Variants in CFAP44 observed in about 807,000 individuals in gnomAD.
CFAP44 encodes the protein cilia- and flagella-associated protein 44.
CFAP44 carries 134 observed loss-of-function variants against 216.2 expected under a neutral mutation model. That is an observed-to-expected ratio of 0.62 (90% confidence interval 0.54 to 0.72). CFAP44 has a LOEUF of 0.72. Among genes scored for constraint, CFAP44 ranks in the 30% least tolerant of loss-of-function variants. The pLI is 0.00. For missense variants in CFAP44, 2,035 were observed against 2,182.1 expected, an observed-to-expected ratio of 0.93 and a Z score of 1.34; for synonymous variants, 700 against 727.6, an observed-to-expected ratio of 0.96 and a Z score of 0.61.
rs1477348915 is a variant in CFAP44 at position 113,327,678 on chromosome 3, T to G, written c.4258A>C (p.Lys1420Gln). 1.3e-6 allele frequency: 2 copies of G among 1,536,944 alleles called. No individual in the cohort carries two copies. The highest frequency in any genetic ancestry group is 1.7e-6 in the Non-Finnish European group (2 of 1,146,750). Residue 1420 changes from lysine (K) to glutamine (Q), a missense_variant, in exon 27 of 35, where the codon AAA (lysine) becomes CAA (glutamine). By Grantham distance (53) the Lys-to-Gln change is moderately conservative. Coordinates refer to ENST00000393845, the MANE Select transcript of CFAP44 (RefSeq NM_001164496.2). ...CGTTCTTGAAGTATGTTCTCCTGTT[T>G]TTCAAAATTCTTCAGGAGAAGTATT... Reference protein sequence around the residue: ...QEILLLKNFEKQENILQERVN... With the variant: ...QEILLLKNFEQQENILQERVN...
Position 113,288,721 on chromosome 3 carries a change from C to T in CFAP44, c.*2836G>A, listed in dbSNP as rs187764646. 2 of 152,348 alleles carry T rather than the reference C, an allele frequency of 1.3e-5. No individual in the cohort carries two copies. The highest frequency in any genetic ancestry group is 3.9e-4 in the East Asian group (2 of 5,180). 9.4% of individuals were successfully genotyped at this position (152,348 alleles called of 1,614,324 possible). On this transcript the variant is annotated 3_prime_UTR_variant, in exon 35 of 35. Transcript: ENST00000393845. The stretch of plus-strand genomic sequence containing the variant: ...TTTCTGCACAGCACTGGAATCATAG[C>T]ACTCAATGGATTTAGCTCTAAAGAG...
At chr3:113,333,339 T>A (rs1950256026) in intron 25 of CFAP44, 67 bp downstream of exon 25, 1 of 1,393,922 alleles carries the variant, frequency 7.2e-7, no homozygotes, top group Non-Finnish European at 9.7e-7. Flanking sequence ...AAATGAGTGG[T>A]TTTAGCAGAA....
rs1349511378 is a variant in CFAP44 at position 113,366,112 on chromosome 3, T to C, written c.2642A>G (p.Asn881Ser). Residue 881 changes from asparagine to serine, a missense_variant, in exon 19 of 35, where the codon AAT becomes AGT. Transcript: ENST00000393845. Reference protein sequence around the residue: ...RFLVTAGADGNIFVFNIFSEF... With the variant: ...RFLVTAGADGSIFVFNIFSEF... ...AGAAAAAATGTTGAAAACAAAGATA[T>C]TGCCATCTGCTCCAGCAGTCACCAA... 6.2e-7 allele frequency: 1 copy of C among 1,614,006 alleles called. No individual in the cohort carries two copies. The highest frequency in any genetic ancestry group is 1.7e-4 in the Middle Eastern group (1 of 6,054).
chr3:113,373,883 T>G (rs553791720), intron 17 of CFAP44, among the ~76,000 whole-genome samples: 1 of 152,150 alleles, frequency 6.6e-6, no homozygotes, highest in Non-Finnish European at 1.5e-5. Flanking sequence ...CAGGAACAAA[T>G]ATTAGGGTTT....
At chr3:113,435,735 T>A (rs201418383) in intron 1 of CFAP44, among the ~76,000 whole-genome samples, 84 of 141,134 alleles carry the variant, frequency 6.0e-4, no homozygotes, top group African/African-American at 1.4e-3. Flanking sequence ...CTTCTAAAAT[T>A]AAAAAAAAAA....
intron 28 of CFAP44, among the ~76,000 whole-genome samples, chr3:113,311,547 G>A (rs1319046872): frequency 1.3e-5 from 2 of 152,172 alleles, no homozygotes; most frequent in Admixed American, 6.5e-5. Flanking sequence ...ATGTGGAAGT[G>A]TAAGTCCAAT....
chr3:113,432,830 C>T (rs972309529), intron 2 of CFAP44, among the ~76,000 whole-genome samples: 3 of 152,130 alleles, frequency 2.0e-5, no homozygotes, highest in Non-Finnish European at 4.4e-5. Flanking sequence ...CTGGAATCTC[C>T]TGATAAATAT....
At chr3:113,328,452 G>T (rs543010292) in intron 26 of CFAP44, among the ~76,000 whole-genome samples, 1 of 151,002 alleles carries the variant, frequency 6.6e-6, no homozygotes, top group South Asian at 2.1e-4. Context: ...CTTTCCCCCA[G>T]CTTTCCCCCC....
At chr3:113,320,423 ATGATATATAT>A (rs1950132409) in intron 28 of CFAP44, among the ~76,000 whole-genome samples, 3 of 137,800 alleles carry the variant, frequency 2.2e-5, no homozygotes, top group South Asian at 2.3e-4. Flanking sequence ...TGATATATAT[ATGATATATAT>A]TGATATATAT....
chr3:113,363,240 G>A lies in CFAP44; in HGVS notation c.2839C>T (p.Arg947Trp), dbSNP rs141547615. 7.0e-5 allele frequency: 113 copies of A among 1,612,436 alleles called. No homozygotes were observed. Among genetic ancestry groups the A allele is most frequent in the Middle Eastern group, 1.6e-4 (1 of 6,076 alleles). ...AAAGCTTTGATTTGCTCTCTCTTCC[G>A]TGCCTTTATTTCTCCCACTTCTTTC... ...LMKEVGEIKA[R>W]KREQIKALRS... Residue 947 changes from arginine (R) to tryptophan (W), a missense_variant, in exon 21 of 35, where the codon CGG becomes TGG. Coordinates refer to ENST00000393845, the MANE Select transcript of CFAP44 (RefSeq NM_001164496.2).
At chr3:113,332,973 CAGA>C (rs1262830702) in intron 25 of CFAP44, among the ~76,000 whole-genome samples, 2 of 152,104 alleles carry the variant, frequency 1.3e-5, no homozygotes, top group African/African-American at 4.8e-5. Flanking sequence ...AGCTCAAAGA[CAGA>C]AGGAGTCTTC....
rs749059989 is a variant in CFAP44, at chr3:113,296,828, A to G, written c.5135T>C (p.Leu1712Pro). 1 of 1,537,460 alleles carries G rather than the reference A, an allele frequency of 6.5e-7. No individual in the cohort carries two copies. Among genetic ancestry groups the G allele is most frequent in the South Asian group, 1.2e-5 (1 of 84,062 alleles). The stretch of plus-strand genomic sequence containing the variant: ...AACAGAAAGCGTTTGAAGGGCTTCT[A>G]GATTTACCACACGGCCAAACTTGCT... ...MISKFGRVVN[L>P]EALQTLSVNT... Residue 1712 changes from leucine (L) to proline (P), a missense_variant, in exon 33 of 35, where the codon CTA becomes CCA. By Grantham distance (98) the Leu-to-Pro change is moderately conservative. This residue lies in a region of CFAP44 where 1,883 missense variants were observed against 2,023.7 expected (regional missense o/e 0.93). Coordinates refer to ENST00000393845, the MANE Select transcript of CFAP44 (RefSeq NM_001164496.2).
At chr3:113,391,877 C>T (rs1933848775) in intron 15 of CFAP44, among the ~76,000 whole-genome samples, 1 of 152,046 alleles carries the variant, frequency 6.6e-6, no homozygotes, top group African/African-American at 2.4e-5. Context: ...GTTAAAATGG[C>T]TTTTTTCCAA....
At chr3:113,319,397 T>A (rs565607975) in intron 28 of CFAP44, among the ~76,000 whole-genome samples, 134 of 152,274 alleles carry the variant, frequency 8.8e-4, no homozygotes, top group Admixed American at 5.0e-3. Flanking sequence ...CTATCCGAAA[T>A]ATATATGCAC....
intron 12 of CFAP44, 148 bp downstream of exon 12, chr3:113,400,397 T>G: frequency 1.8e-6 from 1 of 548,612 alleles, no homozygotes; most frequent in Non-Finnish European, 2.9e-6. Context: ...TTGTGGCCTC[T>G]CCTCTCCACA....
At chr3:113,428,338 C>G (rs1935017066) in intron 2 of CFAP44, among the ~76,000 whole-genome samples, 1 of 152,118 alleles carries the variant, frequency 6.6e-6, no homozygotes, top group South Asian at 2.1e-4. Flanking sequence ...CGAGTGAATA[C>G]AGATGAAGGA....
chr3:113,425,201 C>T (rs553198129), intron 4 of CFAP44, among the ~76,000 whole-genome samples: 5 of 152,148 alleles, frequency 3.3e-5, no homozygotes, highest in African/African-American at 4.8e-5. Flanking sequence ...ACAACATGTT[C>T]TATTTTTATG....
chr3:113,388,743 C>T (rs930771774), intron 15 of CFAP44, among the ~76,000 whole-genome samples: 1 of 152,108 alleles, frequency 6.6e-6, no homozygotes, highest in Admixed American at 6.5e-5. Context: ...GAAATAATTA[C>T]ACTTACATCA....
intron 22 of CFAP44, among the ~76,000 whole-genome samples, chr3:113,346,335 A>G (rs984440220): frequency 3.3e-5 from 5 of 151,948 alleles, no homozygotes; most frequent in Admixed American, 3.3e-4. Context: ...AAGGACTGTA[A>G]GTGCACCAAT....
Sources: gnomAD v4.1 joint callset for allele counts (sites outside exome capture counted in the v4.1 genomes callset) on GRCh38, gnomAD v4.1.1 for gene constraint, gnomAD v4.1.1 regional missense constraint, MANE v1.5 for transcripts, NCBI Gene and HGNC (gene_info 2026-07-23, HGNC 2026-07-21) for gene names.